Variants in PPARGC1A observed in about 807,000 individuals in gnomAD.
PPARGC1A encodes peroxisome proliferator-activated receptor gamma coactivator 1-alpha.
In PPARGC1A, 25 loss-of-function variants were observed where a neutral mutation model predicts 88.7. The ratio of observed to expected loss-of-function variants is 0.28; its 90% CI spans 0.21 to 0.39. PPARGC1A has a LOEUF of 0.39. Among genes scored for constraint, PPARGC1A ranks in the 10% least tolerant of loss-of-function variants. The pLI is 1.00. For missense variants in PPARGC1A, 880 were observed against 968.7 expected (o/e 0.91, Z 1.22); for synonymous variants, 363 against 355.6 (o/e 1.02, Z -0.24).
rs76403213 is a variant in PPARGC1A at position 23,828,222 on chromosome 4, G to A, written c.757+178C>T. On this transcript the variant is annotated intron_variant, in intron 5 of 12. Transcript: ENST00000264867. ...ACTGCCTATCAGCTGAATAGAATAT[G>A]TTTAACCTGTGTCCAAGGAAAGGTT... is the stretch of plus-strand genomic sequence containing the variant. 2.8e-3 allele frequency among the ~76,000 whole-genome samples: 426 copies of A among 152,282 alleles called. 13 individuals are homozygous for A. In the East Asian group the frequency reaches 0.054, roughly 19 times the overall value.
At chr4:24,122,890 A>G in the PPARGC1A span, among the ~76,000 whole-genome samples, 1 of 152,198 alleles carries the variant, frequency 6.6e-6, no homozygotes, top group South Asian at 2.1e-4. Context: ...TTGAGGAACT[A>G]CAGACACAAG....
At chr4:24,323,541 A>G in the PPARGC1A span, among the ~76,000 whole-genome samples, 1 of 151,504 alleles carries the variant, frequency 6.6e-6, no homozygotes, top group Admixed American at 6.6e-5. Flanking sequence ...CCAGAGAACA[A>G]CCCCCTTTGA....
chr4:24,313,618 AGT>A, the PPARGC1A span, among the ~76,000 whole-genome samples: 2 of 152,252 alleles, frequency 1.3e-5, no homozygotes, highest in African/African-American at 4.8e-5. Context: ...GTTGATCAAA[AGT>A]CAAACAAGAG....
At chr4:24,105,433 C>T in the PPARGC1A span, among the ~76,000 whole-genome samples, 121 of 152,118 alleles carry the variant, frequency 8.0e-4, no homozygotes, top group Non-Finnish European at 1.6e-3. Context: ...GGCCTGAGGA[C>T]GTTAAAAGTG....
the PPARGC1A span, among the ~76,000 whole-genome samples, chr4:23,990,637 T>C: frequency 1.3e-5 from 2 of 152,100 alleles, no homozygotes; most frequent in African/African-American, 4.8e-5. Flanking sequence ...GAGAACTGAG[T>C]TAGTGCACTC....
the PPARGC1A span, among the ~76,000 whole-genome samples, chr4:24,186,952 A>G: frequency 1.3e-5 from 2 of 152,238 alleles, no homozygotes; most frequent in Non-Finnish European, 2.9e-5. Flanking sequence ...GGAAAAGCTT[A>G]ATGTACCTTT....
At chr4:24,065,505 T>C in the PPARGC1A span, among the ~76,000 whole-genome samples, 1 of 152,132 alleles carries the variant, frequency 6.6e-6, no homozygotes, top group South Asian at 2.1e-4. Context: ...GAAAAACAGG[T>C]GCTTTTCATA....
chr4:23,856,388 C>A (rs1730196261), intron 2 of PPARGC1A, among the ~76,000 whole-genome samples: 1 of 152,164 alleles, frequency 6.6e-6, no homozygotes, highest in Admixed American at 6.5e-5. Context: ...ATACAAAATG[C>A]CTTTGTTCGT....
intron 1 of PPARGC1A, among the ~76,000 whole-genome samples, chr4:23,898,831 G>A (rs1403194416): frequency 2.7e-5 from 3 of 109,864 alleles, no homozygotes; most frequent in African/African-American, 7.6e-5. Context: ...TCCTGAGGTG[G>A]GTATTTTTTT....
At chr4:24,429,286 C>T in the PPARGC1A span, among the ~76,000 whole-genome samples, 3 of 152,218 alleles carry the variant, frequency 2.0e-5, no homozygotes. Flanking sequence ...ATGCAACACA[C>T]ACACACTCAC....
the PPARGC1A span, among the ~76,000 whole-genome samples, chr4:23,928,767 AAAC>A: frequency 4.0e-3 from 54 of 13,644 alleles, no homozygotes; most frequent in Non-Finnish European, 6.8e-3. Flanking sequence ...AAAACAAAAA[AAAC>A]AAAAAAAAAC....
chr4:24,009,466 T>G, the PPARGC1A span, among the ~76,000 whole-genome samples: 1 of 152,180 alleles, frequency 6.6e-6, no homozygotes, highest in Admixed American at 6.6e-5. Flanking sequence ...TGAAAACTAA[T>G]AAGCAGCTCT....
At chr4:24,144,072 T>C in the PPARGC1A span, among the ~76,000 whole-genome samples, 3 of 152,220 alleles carry the variant, frequency 2.0e-5, no homozygotes, top group Non-Finnish European at 4.4e-5. Context: ...GGTAAAGGGA[T>C]GACGAAGGAA....
the PPARGC1A span, among the ~76,000 whole-genome samples, chr4:23,980,730 C>T: frequency 3.9e-5 from 6 of 152,124 alleles, no homozygotes; most frequent in African/African-American, 1.2e-4. Flanking sequence ...AGGATGGAGG[C>T]TTCCACTAGA....
chr4:23,857,962 T>C (rs1730512845), intron 2 of PPARGC1A, among the ~76,000 whole-genome samples: 1 of 151,546 alleles, frequency 6.6e-6, no homozygotes, highest in Non-Finnish European at 1.5e-5. Flanking sequence ...TATTCCATTG[T>C]TTGCAACCAA....
chr4:23,822,969 G>C (rs1723262796), intron 7 of PPARGC1A, among the ~76,000 whole-genome samples: 1 of 152,064 alleles, frequency 6.6e-6, no homozygotes, highest in African/African-American at 2.4e-5. Context: ...AACATATCCA[G>C]TAAATAATAT....
the PPARGC1A span, among the ~76,000 whole-genome samples, chr4:24,324,511 T>A: frequency 4.3e-3 from 651 of 152,162 alleles, 7 homozygotes; most frequent in African/African-American, 0.015. Flanking sequence ...TTCCTCCTCC[T>A]TCTCCCTTAG....
the PPARGC1A span, among the ~76,000 whole-genome samples, chr4:24,279,778 CTTCT>C: frequency 6.6e-6 from 1 of 152,138 alleles, no homozygotes; most frequent in Non-Finnish European, 1.5e-5. Context: ...TGCCACCCCC[CTTCT>C]TGTCTCTGCT....
the PPARGC1A span, among the ~76,000 whole-genome samples, chr4:24,125,159 A>G: frequency 2.0e-5 from 3 of 152,200 alleles, no homozygotes; most frequent in Admixed American, 1.3e-4. Context: ...AATGAGCCCA[A>G]GTTATATAGA....
Sources: allele counts gnomAD v4.1 joint callset (sites outside exome capture counted in the v4.1 genomes callset), GRCh38; gene constraint gnomAD v4.1.1; transcripts MANE v1.5; gene names NCBI Gene and HGNC (gene_info 2026-07-23, HGNC 2026-07-21).